Variants in CDH9 observed in about 807,000 individuals in gnomAD.
CDH9 encodes the protein cadherin 9, also known as cadherin-9.
In CDH9, 28 loss-of-function variants were observed where a neutral mutation model predicts 70.9. The ratio of observed to expected loss-of-function variants is 0.40; its 90% CI spans 0.29 to 0.54. The LOEUF (loss-of-function observed/expected upper bound fraction) is 0.54. Among genes scored for constraint, CDH9 ranks in the 20% least tolerant of loss-of-function variants. CDH9 has a pLI of 0.59. For missense variants in CDH9, 874 were observed against 984.4 expected (o/e 0.89, Z 1.50); for synonymous variants, 409 against 343.1 (o/e 1.19, Z -2.12).
intron 1 of CDH9, among the ~76,000 whole-genome samples, chr5:27,030,599 C>G (rs1223299029): frequency 6.6e-6 from 1 of 150,718 alleles, no homozygotes; most frequent in Non-Finnish European, 1.5e-5. Context: ...TAAGTCATCA[C>G]AGTTTATTGC....
intron 2 of CDH9, among the ~76,000 whole-genome samples, chr5:26,932,382 G>C (rs899694233): frequency 3.3e-5 from 5 of 151,528 alleles, no homozygotes; most frequent in African/African-American, 1.2e-4. Context: ...TTTTTCATAC[G>C]AGCCCCAGTA....
intron 2 of CDH9, among the ~76,000 whole-genome samples, chr5:26,976,915 T>C (rs889413302): frequency 6.6e-6 from 1 of 151,952 alleles, no homozygotes. Context: ...GTATGTATTA[T>C]ATTTACTAAA....
chr5:26,951,153 C>G (rs752756702), intron 2 of CDH9, among the ~76,000 whole-genome samples: 23 of 151,706 alleles, frequency 1.5e-4, no homozygotes, highest in Non-Finnish European at 2.9e-4. Flanking sequence ...ATTAGCCAGG[C>G]ATGGTGGCAT....
At chr5:27,011,280 T>C (rs1188277931) in intron 1 of CDH9, among the ~76,000 whole-genome samples, 2 of 152,040 alleles carry the variant, frequency 1.3e-5, no homozygotes. Context: ...AATCTGACCT[T>C]ACGTGGAAAC....
intron 1 of CDH9, among the ~76,000 whole-genome samples, chr5:26,995,933 T>C (rs1742658198): frequency 6.6e-6 from 1 of 152,070 alleles, no homozygotes; most frequent in African/African-American, 2.4e-5. Flanking sequence ...TGTTTCATTA[T>C]TATTCCTTTG....
chr5:26,884,526 A>T (rs558421607), intron 11 of CDH9, among the ~76,000 whole-genome samples: 50 of 152,128 alleles, frequency 3.3e-4, no homozygotes, highest in Non-Finnish European at 6.8e-4. Flanking sequence ...GTGGGGATTG[A>T]AACTGCTGAT....
At chr5:26,904,822 T>C (rs542531012) in intron 5 of CDH9, among the ~76,000 whole-genome samples, 10 of 152,104 alleles carry the variant, frequency 6.6e-5, no homozygotes, top group East Asian at 3.9e-4. Context: ...GTTTGTTTTA[T>C]GGGTTACAAA....
intron 1 of CDH9, among the ~76,000 whole-genome samples, chr5:27,034,429 T>A (rs1461646298): frequency 6.6e-6 from 1 of 151,708 alleles, no homozygotes; most frequent in Non-Finnish European, 1.5e-5. Flanking sequence ...AATGCTTATT[T>A]CTCCTGCAAT....
chr5:26,941,737 CTAGA>C (rs1252592645), intron 2 of CDH9, among the ~76,000 whole-genome samples: 1 of 152,204 alleles, frequency 6.6e-6, no homozygotes, highest in Admixed American at 6.6e-5. Context: ...CTTTGAATGA[CTAGA>C]TAGTCTATGA....
chr5:27,015,170 A>G (rs1743025651), intron 1 of CDH9, among the ~76,000 whole-genome samples: 2 of 151,886 alleles, frequency 1.3e-5, no homozygotes, highest in Non-Finnish European at 2.9e-5. Context: ...GAAGAAATTA[A>G]TAGAGGCCTG....
rs963328644 is a variant in CDH9, at chr5:26,929,479, C to T, written c.229-13555G>A. Reference sequence around the variant, plus strand: ...GGAACTAGCATATGATTCGGCAATCCCACAGATACATACATAGCCAAGATA... The same window carrying T: ...GGAACTAGCATATGATTCGGCAATCTCACAGATACATACATAGCCAAGATA... On this transcript the variant is annotated intron_variant, in intron 2 of 11. Coordinates refer to ENST00000231021, the MANE Select transcript of CDH9 (RefSeq NM_016279.4). Among the ~76,000 whole-genome samples the T allele has an allele frequency of 6.6e-5, 10 of 151,996 alleles. No homozygotes were observed. In the East Asian group the frequency reaches 7.8e-4, roughly 12 times the overall value.
chr5:26,930,236 G>C (rs577684957), intron 2 of CDH9, among the ~76,000 whole-genome samples: 1 of 151,828 alleles, frequency 6.6e-6, no homozygotes, highest in Non-Finnish European at 1.5e-5. Flanking sequence ...TAGGAGTAAG[G>C]TTTGCTTTGG....
At position 26,958,682 on chromosome 5, in the gene CDH9, T is replaced by G. The variant is rs149836997; in HGVS notation, c.228+29424A>C. Among the ~76,000 whole-genome samples the G allele has an allele frequency of 6.3e-3, 967 of 152,318 alleles. 11 individuals carry two copies. The highest frequency in any genetic ancestry group is 0.022 in the African/African-American group (910 of 41,572). ...TGTTTTAAACAAATTCTAGATTGTGTGCTTAGTATACGCAGAAATAATTTA... is the reference window on the plus strand; with the variant it reads ...TGTTTTAAACAAATTCTAGATTGTGGGCTTAGTATACGCAGAAATAATTTA... On this transcript the variant is annotated intron_variant, in intron 2 of 11. Transcript: ENST00000231021.
chr5:26,915,732 G>T lies in CDH9; in HGVS notation c.421C>A (p.Pro141Thr). 1.2e-6 allele frequency: 2 copies of T among 1,613,398 alleles called. No homozygotes were observed. Among genetic ancestry groups the T allele is most frequent in the Non-Finnish European group, 1.7e-6 (2 of 1,179,446 alleles). The change falls in exon 3 of 12, where the codon CCG (proline) becomes ACG (threonine). Residue 141 changes from proline (P) to threonine (T), a missense_variant. Transcript: ENST00000231021. ...IDRKTGRQVEPESEFIIKIHD... is the reference protein window; with the variant it reads ...IDRKTGRQVETESEFIIKIHD... ...ATTTTAATGATAAATTCCGATTCCGGTTCCACCTGCCGCCCAGTTTTTCTG... is the reference window on the plus strand; with the variant it reads ...ATTTTAATGATAAATTCCGATTCCGTTTCCACCTGCCGCCCAGTTTTTCTG...
chr5:26,977,108 T>A (rs527646198), intron 2 of CDH9, among the ~76,000 whole-genome samples: 4 of 152,092 alleles, frequency 2.6e-5, no homozygotes, highest in Non-Finnish European at 5.9e-5. Context: ...TCTTCAAATA[T>A]GCCCATTGTT....
chr5:27,020,727 C>T (rs539539112), intron 1 of CDH9, among the ~76,000 whole-genome samples: 95 of 107,938 alleles, frequency 8.8e-4, no homozygotes, highest in South Asian at 4.6e-3. Context: ...AATTCACACA[C>T]GCACACACAC....
In CDH9 at chr5:26,915,898, A is replaced by T. The variant is rs149377000; in HGVS notation, c.255T>A (p.Asp85Glu). Residue 85 changes from aspartate (D) to glutamate (E), a missense_variant, in exon 3 of 12, where the codon GAT (aspartate) becomes GAA (glutamate). By Grantham distance (45) the Asp-to-Glu change is conservative. Transcript: ENST00000231021. The stretch of plus-strand genomic sequence containing the variant: ...CTGTTAGTATGTATTTTAAATTTCC[A>T]TCTCCTTTATCTTGGTCAGTGTGAA... ...GKLHTDQDKG[D>E]GNLKYILTGD... 1.9e-6 allele frequency: 3 copies of T among 1,610,442 alleles called. No homozygotes were observed. The highest frequency in any genetic ancestry group is 2.5e-6 in the Non-Finnish European group (3 of 1,177,396).
intron 2 of CDH9, among the ~76,000 whole-genome samples, chr5:26,919,022 C>A (rs548174018): frequency 1.3e-5 from 2 of 152,164 alleles, no homozygotes; most frequent in South Asian, 4.2e-4. Flanking sequence ...AGGAAGGCAG[C>A]CAAGTTCAAG....
intron 3 of CDH9, among the ~76,000 whole-genome samples, chr5:26,912,513 T>TAC (rs1258274101): frequency 6.6e-6 from 1 of 150,682 alleles, no homozygotes; most frequent in East Asian, 1.9e-4. Context: ...TAGTTTTATA[T>TAC]ATATACAGAT....
Sources: allele counts gnomAD v4.1 joint callset (sites outside exome capture counted in the v4.1 genomes callset), GRCh38; gene constraint gnomAD v4.1.1; transcripts MANE v1.5; gene names NCBI Gene and HGNC (gene_info 2026-07-23, HGNC 2026-07-21).